The following PAGE1 variants were observed in gnomAD, a reference collection of about 807,000 sequenced individuals.
PAGE1 encodes PAGE family member 1, also known as P antigen family member 1.
A neutral mutation model predicts 11.5 loss-of-function variants in PAGE1; 6 were observed. That is an observed-to-expected ratio of 0.52 (90% CI 0.29 to 1.03). The LOEUF (loss-of-function observed/expected upper bound fraction) is 1.03, where lower values mean the gene tolerates loss of function less well. PAGE1 is among the 50% of genes least tolerant of loss of function. The pLI, the probability that PAGE1 is intolerant of heterozygous loss-of-function variation, is 0.09. For synonymous variants in PAGE1, 42 were observed against 40.2 expected, an observed-to-expected ratio of 1.05 and a Z score of -0.17; for missense variants, 120 against 110.2, an observed-to-expected ratio of 1.09 and a Z score of -0.40.
chrX:49,694,631 CTA>C (rs1186342187), intron 2 of PAGE1, 75 bp downstream of exon 2: 7 of 646,407 alleles, frequency 1.1e-5, no homozygotes, highest in Non-Finnish European at 1.7e-5. Context: ...TGCAACAACA[CTA>C]TCACAAAAAT....
Position 49,687,508 on chromosome X carries a change from G to A in PAGE1, c.*33C>T, listed in dbSNP as rs1557141139. 1.7e-6 allele frequency: 2 copies of A among 1,192,755 alleles called. No individual in the cohort carries two copies. Among genetic ancestry groups the A allele is most frequent in the South Asian group, 3.6e-5 (2 of 56,022 alleles). On this transcript the variant is annotated 3_prime_UTR_variant, in exon 6 of 6. Coordinates refer to ENST00000376150, the MANE Select transcript of PAGE1 (RefSeq NM_003785.4). ...TTTTAATGGTCAAATTTCCAACACA[G>A]GAGCAGCCTGAACCATTTCAGCGTG...
intron 2 of PAGE1, 123 bp downstream of exon 2, chrX:49,694,585 C>A: frequency 2.4e-6 from 1 of 410,700 alleles, no homozygotes; most frequent in South Asian, 7.0e-5. Flanking sequence ...TTTTTTTAAT[C>A]AGCATGAACT....
rs782211346 is a variant in PAGE1, at chrX:49,689,546, TAAAAAAA to T, written c.293-10_293-4del. On this transcript the variant is annotated splice_region_variant and splice_polypyrimidine_tract_variant and intron_variant, in intron 4 of 5. Coordinates refer to ENST00000376150, the MANE Select transcript of PAGE1 (RefSeq NM_003785.4). ...GCTATCCGCTTCAGGCTCTGGCCCT[TAAAAAAA>T]AAAAAAAAAAAAAAAAAAAAAAATA... 4.9e-4 allele frequency: 139 copies of T among 281,513 alleles called. No individual in the cohort carries two copies. The African/African-American group carries it at 5.1e-3, about 10-fold the overall frequency. 23.2% of individuals were successfully genotyped at this position (281,513 alleles called of 1,213,427 possible). A position where few individuals can be genotyped will look rare whatever the true frequency, so the allele number is the denominator to read the frequency against.
intron 5 of PAGE1, 47 bp downstream of exon 5, chrX:49,689,371 T>C (rs1557141422): frequency 1.0e-6 from 1 of 992,784 alleles, no homozygotes; most frequent in Non-Finnish European, 1.3e-6. Context: ...AATATGATAC[T>C]GTGGAAACAG....
intron 4 of PAGE1, among the ~76,000 whole-genome samples, chrX:49,690,762 C>T (rs2066917111): frequency 9.0e-6 from 1 of 110,543 alleles, no homozygotes; most frequent in Admixed American, 9.7e-5. Flanking sequence ...TGGTGGCTCA[C>T]ACCTTTAATG....
At position 49,690,024 on chromosome X, in the gene PAGE1, C is replaced by T. The variant is rs868915357; in HGVS notation, c.293-481G>A. 4.0e-4 allele frequency among the ~76,000 whole-genome samples: 18 copies of T among 44,828 alleles called. 1 individual carries two copies. The highest frequency in any genetic ancestry group is 1.7e-3 in the African/African-American group (16 of 9,666). 38.9% of individuals were successfully genotyped at this position (44,828 alleles called of 115,157 possible). A position where few individuals can be genotyped will look rare whatever the true frequency, so the allele number is the denominator to read the frequency against. On this transcript the variant is annotated intron_variant, in intron 4 of 5. Coordinates refer to ENST00000376150, the MANE Select transcript of PAGE1 (RefSeq NM_003785.4). Reference sequence around the variant, plus strand: ...ATGTGTATATATATGTGTGTATATACACACATATATATGTGTATATATGTG... The same window carrying T: ...ATGTGTATATATATGTGTGTATATATACACATATATATGTGTATATATGTG...
At chrX:49,694,328 A>G in intron 2 of PAGE1, 127 bp from the exon 3 acceptor site, 1 of 436,264 alleles carries the variant, frequency 2.3e-6, no homozygotes, top group Non-Finnish European at 4.0e-6. Flanking sequence ...TAAACCTAAA[A>G]ATATTTCTCC....
At chrX:49,694,050 A>ACACACAC (rs1557142527) in intron 3 of PAGE1, 49 bp downstream of exon 3, 1 of 708,676 alleles carries the variant, frequency 1.4e-6, no homozygotes, top group East Asian at 3.4e-5. Context: ...ACACACACAC[A>ACACACAC]CACACACACA....
chrX:49,693,051 T>C (rs1358603740), intron 3 of PAGE1, among the ~76,000 whole-genome samples: 4 of 111,729 alleles, frequency 3.6e-5, no homozygotes, highest in Non-Finnish European at 7.5e-5. Context: ...TGGATAGGAT[T>C]TCAGTTACAA....
intron 3 of PAGE1, among the ~76,000 whole-genome samples, chrX:49,692,513 T>C (rs1557142314): frequency 9.0e-6 from 1 of 111,702 alleles, no homozygotes; most frequent in East Asian, 2.8e-4. Flanking sequence ...GAAAAGTATA[T>C]GAGTTCATTG....
At chrX:49,688,219 A>T (rs1557141241) in intron 5 of PAGE1, among the ~76,000 whole-genome samples, 1 of 112,530 alleles carries the variant, frequency 8.9e-6, no homozygotes, top group East Asian at 2.8e-4. Context: ...GTGAGACCTC[A>T]TCTGTATAAA....
Position 49,687,704 on chromosome X carries a change from T to C in PAGE1, c.419-141A>G, listed in dbSNP as rs2066888919. 5 of 470,831 alleles carry C rather than the reference T, an allele frequency of 1.1e-5. No homozygotes were observed. In the Admixed American group the frequency reaches 1.3e-4, roughly 12 times the overall value. The allele number at this position is 470,831 out of a possible 1,213,427, so 38.8% of individuals were successfully genotyped here. On this transcript the variant is annotated intron_variant, in intron 5 of 5. Transcript: ENST00000376150. The stretch of plus-strand genomic sequence containing the variant: ...ACTCTAAGGGCGATCCTGTGTCTTA[T>C]AGCCAAGTAAACCTCTGTATAAATT...
Position 49,693,180 on chromosome X carries a change from A to G in PAGE1, c.166+919T>C, listed in dbSNP as rs782653857. 1.6e-4 allele frequency among the ~76,000 whole-genome samples: 18 copies of G among 111,961 alleles called. No individual in the cohort carries two copies. In the East Asian group the frequency reaches 3.3e-3, roughly 21 times the overall value. On this transcript the variant is annotated intron_variant, in intron 3 of 5. Coordinates refer to ENST00000376150, the MANE Select transcript of PAGE1 (RefSeq NM_003785.4). The stretch of plus-strand genomic sequence containing the variant: ...AACAGAAACTTAACTTTGTTCAAAT[A>G]AAGTTATATTTAGGTCCAAAGGTCC...
intron 5 of PAGE1, 40 bp from the exon 6 acceptor site, chrX:49,687,603 G>A: frequency 8.6e-7 from 1 of 1,165,076 alleles, no homozygotes; most frequent in Non-Finnish European, 1.2e-6. Context: ...TGATTTAGCA[G>A]CAGATTATTT....
intron 4 of PAGE1, among the ~76,000 whole-genome samples, chrX:49,690,920 G>C (rs1203227504): frequency 9.0e-6 from 1 of 110,603 alleles, no homozygotes. Flanking sequence ...TGGCAGGGCT[G>C]TAACCTCAGG....
intron 4 of PAGE1, among the ~76,000 whole-genome samples, chrX:49,690,507 A>G (rs1020008673): frequency 9.1e-6 from 1 of 110,460 alleles, no homozygotes; most frequent in Non-Finnish European, 1.9e-5. Context: ...AGCCACCAAT[A>G]AACGCTGAGT....
At chrX:49,689,999 A>G (rs1158629937) in intron 4 of PAGE1, among the ~76,000 whole-genome samples, 2 of 66,140 alleles carry the variant, frequency 3.0e-5, no homozygotes, top group African/African-American at 1.1e-4. Flanking sequence ...ACACATATAT[A>G]TGTGTATATA....
chrX:49,691,006 C>T (rs531649774), intron 4 of PAGE1, among the ~76,000 whole-genome samples: 3 of 111,463 alleles, frequency 2.7e-5, no homozygotes, highest in African/African-American at 9.8e-5. Flanking sequence ...GACAAAACCC[C>T]GTCTCTACTA....
intron 5 of PAGE1, among the ~76,000 whole-genome samples, chrX:49,688,843 C>G (rs969759317): frequency 4.5e-5 from 5 of 111,632 alleles, no homozygotes; most frequent in African/African-American, 1.6e-4. Flanking sequence ...AAAAGCAGAC[C>G]TTTACAAAAG....
Sources: allele counts gnomAD v4.1 joint callset (sites outside exome capture counted in the v4.1 genomes callset), GRCh38; gene constraint gnomAD v4.1.1; transcripts MANE v1.5; gene names NCBI Gene and HGNC (gene_info 2026-07-23, HGNC 2026-07-21).